COP1: variants seen among roughly 807,000 people sequenced by gnomAD.
The protein encoded by COP1 is COP1 E3 ubiquitin ligase.
COP1 carries 24 observed loss-of-function variants against 101.3 expected under a neutral mutation model. The ratio of observed to expected loss-of-function variants is 0.24; its 90% CI spans 0.17 to 0.33. COP1 has a LOEUF of 0.33. Among genes scored for constraint, COP1 ranks in the 10% least tolerant of loss-of-function variants. The pLI, the probability that COP1 is intolerant of heterozygous loss-of-function variation, is 1.00. For missense variants in COP1, 663 were observed against 906.2 expected (o/e 0.73, Z 3.45); for synonymous variants, 347 against 341.9 (o/e 1.01, Z -0.17).
chr1:176,161,312 G>A (rs954364406), intron 5 of COP1, among the ~76,000 whole-genome samples: 5 of 152,128 alleles, frequency 3.3e-5, no homozygotes, highest in East Asian at 1.9e-4. Flanking sequence ...TTTTAGGGCC[G>A]GAAGCAGTGG....
intron 9 of COP1, among the ~76,000 whole-genome samples, chr1:176,112,690 G>A (rs1315561323): frequency 6.6e-6 from 1 of 152,044 alleles, no homozygotes; most frequent in Non-Finnish European, 1.5e-5. Context: ...TACCCATTAA[G>A]CAAGTTCTCT....
chr1:176,016,959 C>G (rs1014600275), intron 15 of COP1, among the ~76,000 whole-genome samples: 4 of 152,132 alleles, frequency 2.6e-5, no homozygotes, highest in African/African-American at 9.6e-5. Flanking sequence ...TATGCACTAA[C>G]TCTTTATTTC....
At chr1:176,068,991 G>A (rs1211249106) in intron 11 of COP1, among the ~76,000 whole-genome samples, 1 of 152,056 alleles carries the variant, frequency 6.6e-6, no homozygotes, top group Non-Finnish European at 1.5e-5. Context: ...GTTTGAGACT[G>A]GCCTCGGCAA....
intron 15 of COP1, among the ~76,000 whole-genome samples, chr1:175,990,157 T>A (rs138937636): frequency 6.6e-6 from 1 of 152,244 alleles, no homozygotes; most frequent in Non-Finnish European, 1.5e-5. Context: ...TCCATTTTCA[T>A]TCAGTTTAAA....
chr1:175,996,218 C>G (rs1660127421), intron 15 of COP1, among the ~76,000 whole-genome samples: 3 of 152,138 alleles, frequency 2.0e-5, no homozygotes, highest in Admixed American at 6.5e-5. Flanking sequence ...TAAAAACTCT[C>G]AATAAATTAG....
At chr1:176,054,006 T>TATTTA (rs1673014318) in intron 11 of COP1, among the ~76,000 whole-genome samples, 1 of 152,118 alleles carries the variant, frequency 6.6e-6, no homozygotes, top group South Asian at 2.1e-4. Context: ...AAATTCATGA[T>TATTTA]CACTATCCTT....
intron 11 of COP1, among the ~76,000 whole-genome samples, chr1:176,050,734 G>C (rs774952301): frequency 5.3e-4 from 80 of 152,146 alleles, no homozygotes; most frequent in Admixed American, 8.5e-4. Context: ...TAACACTTGA[G>C]ATGTGTCAAG....
At chr1:176,142,497 ATAG>A (rs1690857133) in intron 6 of COP1, among the ~76,000 whole-genome samples, 1 of 152,114 alleles carries the variant, frequency 6.6e-6, no homozygotes. Context: ...TGAGACAGTA[ATAG>A]GTATAACAAG....
intron 2 of COP1, among the ~76,000 whole-genome samples, chr1:176,183,551 T>C (rs1698058112): frequency 6.6e-6 from 1 of 152,076 alleles, no homozygotes; most frequent in Non-Finnish European, 1.5e-5. Flanking sequence ...TGGCAGTTTC[T>C]CAAAAAATTA....
At position 176,073,749 on chromosome 1, in the gene COP1, G is replaced by A. The variant is rs145301436; in HGVS notation, c.1277+7403C>T. Among the ~76,000 whole-genome samples the A allele has an allele frequency of 1.7e-3, 257 of 152,250 alleles. 1 individual carries two copies. Among genetic ancestry groups the A allele is most frequent in the African/African-American group, 5.9e-3 (246 of 41,566 alleles). ...AAATGCTGCCACCTTGTGGACTGAA[G>A]GGTATGGTCTTAACTCCAAATAAGC... is the stretch of plus-strand genomic sequence containing the variant. On this transcript the variant is annotated intron_variant, in intron 11 of 19. Coordinates refer to ENST00000367669, the MANE Select transcript of COP1 (RefSeq NM_022457.7).
intron 15 of COP1, among the ~76,000 whole-genome samples, chr1:176,015,813 TGAC>T (rs1356025940): frequency 6.6e-6 from 1 of 152,140 alleles, no homozygotes; most frequent in African/African-American, 2.4e-5. Context: ...TTGGTGATGA[TGAC>T]AAGAACACTT....
intron 11 of COP1, among the ~76,000 whole-genome samples, chr1:176,055,568 GATGAC>G (rs1673331725): frequency 6.6e-6 from 1 of 152,138 alleles, no homozygotes; most frequent in Admixed American, 6.6e-5. Flanking sequence ...ATAGTACACT[GATGAC>G]TATCAAGTGT....
intron 9 of COP1, among the ~76,000 whole-genome samples, chr1:176,091,272 AG>A (rs985370406): frequency 9.9e-5 from 15 of 151,140 alleles, no homozygotes; most frequent in African/African-American, 3.6e-4. Flanking sequence ...CAGGAGGCAG[AG>A]GTTGCAGAGA....
intron 19 of COP1, among the ~76,000 whole-genome samples, chr1:175,945,753 G>T (rs1442712425): frequency 6.6e-6 from 1 of 152,188 alleles, no homozygotes; most frequent in African/African-American, 2.4e-5. Flanking sequence ...CACGGAACAG[G>T]AGGATAGTTA....
intron 1 of COP1, among the ~76,000 whole-genome samples, chr1:176,188,834 T>TACACACACACACACACAC (rs10637320): frequency 6.7e-5 from 10 of 148,416 alleles, no homozygotes; most frequent in Admixed American, 2.7e-4. Flanking sequence ...AACACATAGA[T>TACACACACACACACACAC]ACACACACAC....
At chr1:175,998,069 A>T (rs1198626078) in intron 15 of COP1, among the ~76,000 whole-genome samples, 2 of 93,500 alleles carry the variant, frequency 2.1e-5, no homozygotes, top group African/African-American at 3.3e-5. Context: ...TAATTAAAAA[A>T]AAAAAAAAAA....
chr1:176,182,820 T>G (rs1016684566), intron 2 of COP1, among the ~76,000 whole-genome samples: 1 of 152,214 alleles, frequency 6.6e-6, no homozygotes, highest in Non-Finnish European at 1.5e-5. Context: ...AGAAAGTGAT[T>G]CGTGAATCAT....
intron 5 of COP1, among the ~76,000 whole-genome samples, chr1:176,160,463 T>C (rs1024772591): frequency 8.6e-5 from 13 of 151,912 alleles, no homozygotes; most frequent in African/African-American, 2.9e-4. Flanking sequence ...CAAAAGAAAC[T>C]ATCATCACAG....
Position 176,193,656 on chromosome 1 carries a change from A to G in COP1, c.408-8964T>C, listed in dbSNP as rs572485376. On this transcript the variant is annotated intron_variant, in intron 1 of 19. Coordinates refer to ENST00000367669, the MANE Select transcript of COP1 (RefSeq NM_022457.7). The stretch of plus-strand genomic sequence containing the variant: ...AGAATGAAGTGCTGATACATGTCAC[A>G]ACATGGATGAGCCTTAGAAACATGT... Among the ~76,000 whole-genome samples the G allele has an allele frequency of 2.6e-5, 4 of 152,344 alleles. No homozygotes were observed. In the East Asian group the frequency reaches 7.7e-4, roughly 29 times the overall value.
Sources: allele counts gnomAD v4.1 joint callset (sites outside exome capture counted in the v4.1 genomes callset), GRCh38; gene constraint gnomAD v4.1.1; transcripts MANE v1.5; gene names NCBI Gene and HGNC (gene_info 2026-07-23, HGNC 2026-07-21).